The following FAR2 variants were observed in gnomAD, a reference collection of about 807,000 sequenced individuals.
The protein encoded by FAR2 is epididymis secretory protein Li 81.
In FAR2, 19 loss-of-function variants were observed where a neutral mutation model predicts 56.0. That is an observed-to-expected ratio of 0.34 (90% CI 0.24 to 0.50). The LOEUF (loss-of-function observed/expected upper bound fraction) is 0.50, where lower values mean the gene tolerates loss of function less well. Ranked by LOEUF, FAR2 falls within the 20% of genes least tolerant of loss-of-function variation. The pLI, the probability that FAR2 is intolerant of heterozygous loss-of-function variation, is 0.98. For missense variants in FAR2, 508 were observed against 642.2 expected (o/e 0.79, Z 2.26); for synonymous variants, 219 against 218.8 (o/e 1.00, Z -0.01).
rs1949357270 is a variant in FAR2 at position 29,311,780 on chromosome 12, A to G, written c.888-103A>G. 5 of 805,944 alleles carry G rather than the reference A, an allele frequency of 6.2e-6. No homozygotes were observed. In the Admixed American group the frequency reaches 1.5e-4, roughly 24 times the overall value. The allele number at this position is 805,944 out of a possible 1,614,324, so 49.9% of individuals were successfully genotyped here. A position where few individuals can be genotyped will look rare whatever the true frequency, so the allele number is the denominator to read the frequency against. On this transcript the variant is annotated intron_variant, in intron 7 of 11. Coordinates refer to ENST00000536681, the MANE Select transcript of FAR2 (RefSeq NM_001271783.2). Reference sequence around the variant, plus strand: ...GCCTTTCATAGGTTGCCTTAATCAGATGAATTACTGAAACCACTCTGTCTA... The same window carrying G: ...GCCTTTCATAGGTTGCCTTAATCAGGTGAATTACTGAAACCACTCTGTCTA...
intron 1 of FAR2, among the ~76,000 whole-genome samples, chr12:29,184,992 A>C (rs1051722214): frequency 2.6e-5 from 4 of 152,172 alleles, no homozygotes; most frequent in African/African-American, 9.7e-5. Context: ...CTTAAACCTC[A>C]GTTTCCTCTT....
chr12:29,178,706 A>G (rs955388516), intron 1 of FAR2, among the ~76,000 whole-genome samples: 4 of 152,216 alleles, frequency 2.6e-5, no homozygotes, highest in Admixed American at 6.5e-5. Context: ...TTCTTGTAGT[A>G]TAGGATATGG....
intron 4 of FAR2, 33 bp downstream of exon 4, chr12:29,297,233 G>T: frequency 1.3e-6 from 2 of 1,571,340 alleles, no homozygotes; most frequent in Non-Finnish European, 1.7e-6. Context: ...TCAAGGGGCG[G>T]GTAGAATAAG....
intron 5 of FAR2, chr12:29,308,141 T>G (rs1949283365): frequency 4.3e-6 from 1 of 231,306 alleles, no homozygotes; most frequent in African/African-American, 2.3e-5. Context: ...CTACTATAGT[T>G]TAAGCATACC....
chr12:29,237,639 T>C (rs549870388), intron 1 of FAR2, among the ~76,000 whole-genome samples: 40 of 152,218 alleles, frequency 2.6e-4, no homozygotes, highest in Non-Finnish European at 5.6e-4. Flanking sequence ...TGGAATATCA[T>C]TTTTTATCTG....
chr12:29,221,373 A>T (rs1407623323), intron 1 of FAR2, among the ~76,000 whole-genome samples: 1 of 151,930 alleles, frequency 6.6e-6, no homozygotes, highest in East Asian at 1.9e-4. Context: ...GCCTTTTCCC[A>T]CCCTGCTCTT....
At chr12:29,297,231 C>G (rs369219922) in intron 4 of FAR2, 31 bp downstream of exon 4, 1 of 1,574,150 alleles carries the variant, frequency 6.4e-7, no homozygotes, top group East Asian at 2.2e-5. Flanking sequence ...GATCAAGGGG[C>G]GGGTAGAATA....
intron 1 of FAR2, among the ~76,000 whole-genome samples, chr12:29,247,812 A>G (rs1948151743): frequency 6.6e-6 from 1 of 152,214 alleles, no homozygotes; most frequent in South Asian, 2.1e-4. Flanking sequence ...GAAGAAATTA[A>G]GATATTTTTC....
chr12:29,243,032 A>G (rs1948064084), intron 1 of FAR2, among the ~76,000 whole-genome samples: 1 of 152,204 alleles, frequency 6.6e-6, no homozygotes, highest in African/African-American at 2.4e-5. Context: ...CAGAGACTCA[A>G]AGGCACGCAG....
At chr12:29,248,572 C>T (rs1010236474) in intron 1 of FAR2, among the ~76,000 whole-genome samples, 5 of 152,116 alleles carry the variant, frequency 3.3e-5, no homozygotes, top group Admixed American at 1.3e-4. Context: ...AAGACCAGGG[C>T]AAAATTAAAA....
intron 6 of FAR2, 40 bp from the exon 7 acceptor site, chr12:29,310,988 A>T: frequency 6.8e-7 from 1 of 1,473,188 alleles, no homozygotes; most frequent in Non-Finnish European, 9.5e-7. Context: ...GCTATTATTT[A>T]AGACCTGGTT....
chr12:29,254,391 A>G (rs1372500257), intron 1 of FAR2, among the ~76,000 whole-genome samples: 2 of 152,204 alleles, frequency 1.3e-5, no homozygotes, highest in African/African-American at 2.4e-5. Flanking sequence ...GCTTTAAGCA[A>G]GGGGATCTTG....
chr12:29,305,589 A>G (rs975691603), intron 4 of FAR2, among the ~76,000 whole-genome samples: 3 of 152,178 alleles, frequency 2.0e-5, no homozygotes, highest in Non-Finnish European at 4.4e-5. Flanking sequence ...TACCCTTATG[A>G]TAATTTAGAA....
At chr12:29,236,654 C>T (rs1304613979) in intron 1 of FAR2, among the ~76,000 whole-genome samples, 1 of 152,180 alleles carries the variant, frequency 6.6e-6, no homozygotes, top group Non-Finnish European at 1.5e-5. Flanking sequence ...AGGGAAACTA[C>T]TCCACAATCC....
At chr12:29,324,779 C>T (rs1434407910) in intron 10 of FAR2, among the ~76,000 whole-genome samples, 1 of 152,182 alleles carries the variant, frequency 6.6e-6, no homozygotes, top group African/African-American at 2.4e-5. Context: ...CAACTGATAC[C>T]AGCCACTGCA....
At chr12:29,279,855 G>C (rs1483531943) in intron 2 of FAR2, among the ~76,000 whole-genome samples, 2 of 151,950 alleles carry the variant, frequency 1.3e-5, no homozygotes, top group Non-Finnish European at 2.9e-5. Context: ...GATAATAATA[G>C]CTATTTCATA....
intron 1 of FAR2, among the ~76,000 whole-genome samples, chr12:29,240,895 TCC>T (rs1268869273): frequency 6.6e-6 from 1 of 152,096 alleles, no homozygotes; most frequent in Non-Finnish European, 1.5e-5. Context: ...AGCCTCCGCT[TCC>T]TGGGTTCAAG....
At chr12:29,242,166 T>C (rs1008151761) in intron 1 of FAR2, among the ~76,000 whole-genome samples, 1 of 152,182 alleles carries the variant, frequency 6.6e-6, no homozygotes, top group African/African-American at 2.4e-5. Flanking sequence ...GTTTATGTAT[T>C]TGAGGCCTTT....
At chr12:29,180,861 G>A (rs897214938) in intron 1 of FAR2, among the ~76,000 whole-genome samples, 1 of 151,880 alleles carries the variant, frequency 6.6e-6, no homozygotes, top group Non-Finnish European at 1.5e-5. Context: ...GAAATCATTT[G>A]GTTTTCTCAT....
Sources: allele counts gnomAD v4.1 joint callset (sites outside exome capture counted in the v4.1 genomes callset), GRCh38; gene constraint gnomAD v4.1.1; transcripts MANE v1.5; gene names NCBI Gene and HGNC (gene_info 2026-07-23, HGNC 2026-07-21).